The following KCNJ16 variants were observed in gnomAD, a reference collection of about 807,000 sequenced individuals.
KCNJ16 encodes potassium inwardly rectifying channel subfamily J member 16.
A neutral mutation model predicts 18.5 loss-of-function variants in KCNJ16; 15 were observed. The observed-to-expected ratio is 0.81, with a 90% CI of 0.54 to 1.25. KCNJ16 has a LOEUF of 1.25. Among genes scored for constraint, KCNJ16 ranks in the 50% most tolerant of loss-of-function variants. KCNJ16 has a pLI of 0.00. For synonymous variants in KCNJ16, 174 were observed against 186.5 expected (o/e 0.93, Z 0.55); for missense variants, 523 against 525.7 (o/e 0.99, Z 0.05).
At chr17:70,125,462 C>T (rs1264227882) in intron 2 of KCNJ16, among the ~76,000 whole-genome samples, 1 of 151,966 alleles carries the variant, frequency 6.6e-6, no homozygotes, top group Non-Finnish European at 1.5e-5. Flanking sequence ...AGTGGAGCAC[C>T]CTTTGAGAGA....
chr17:70,116,795 TA>T (rs1288022614), intron 2 of KCNJ16, among the ~76,000 whole-genome samples: 1 of 152,152 alleles, frequency 6.6e-6, no homozygotes, highest in Non-Finnish European at 1.5e-5. Flanking sequence ...TTAATAACTT[TA>T]AAAACAACAG....
At chr17:70,089,765 A>C (rs544172643) in intron 1 of KCNJ16, among the ~76,000 whole-genome samples, 18 of 152,374 alleles carry the variant, frequency 1.2e-4, no homozygotes, top group African/African-American at 4.3e-4. Flanking sequence ...GTACATAAAA[A>C]GATTAAAAGT....
intron 1 of KCNJ16, among the ~76,000 whole-genome samples, chr17:70,076,180 T>C (rs1358096331): frequency 6.6e-6 from 1 of 152,162 alleles, no homozygotes; most frequent in African/African-American, 2.4e-5. Flanking sequence ...ATGGACTGAA[T>C]GGTCTTTAGA....
rs779295747 is a variant in KCNJ16, at chr17:70,132,527, T to G, written c.440T>G (p.Val147Gly). ...GTTACTGAAGAATGTTCTGTGGCCG[T>G]GCTCATGGTGATCCTCCAGTCCATC... ...RCVTEECSVA[V>G]LMVILQSILS... The change falls in exon 4 of 4, where the codon GTG becomes GGG. Residue 147 changes from valine to glycine, a missense_variant. Val to Gly is a moderately radical substitution (Grantham distance 109). Coordinates refer to ENST00000392671, the MANE Select transcript of KCNJ16 (RefSeq NM_170741.4). 1 of 1,614,230 alleles carries G rather than the reference T, an allele frequency of 6.2e-7. No individual in the cohort carries two copies. The highest frequency in any genetic ancestry group is 1.1e-5 in the South Asian group (1 of 91,088).
intron 2 of KCNJ16, among the ~76,000 whole-genome samples, chr17:70,129,244 T>TTATG (rs1555597894): frequency 4.6e-5 from 7 of 152,124 alleles, no homozygotes; most frequent in Admixed American, 3.3e-4. Flanking sequence ...GACAAGAAAA[T>TTATG]TACGAAAGCA....
At chr17:70,076,457 AAGAG>A (rs1472743807) in intron 1 of KCNJ16, among the ~76,000 whole-genome samples, 1 of 152,040 alleles carries the variant, frequency 6.6e-6, no homozygotes, top group Non-Finnish European at 1.5e-5. Context: ...TTCAAATCAA[AAGAG>A]AGAGAAAGAG....
chr17:70,103,315 TATATATACA>T (rs1567789439), intron 2 of KCNJ16, among the ~76,000 whole-genome samples: 14 of 20,854 alleles, frequency 6.7e-4, no homozygotes, highest in East Asian at 6.7e-3. Context: ...TATATATATA[TATATATACA>T]CACACATATA....
intron 1 of KCNJ16, among the ~76,000 whole-genome samples, chr17:70,077,570 T>C (rs1369537826): frequency 6.6e-6 from 1 of 152,190 alleles, no homozygotes; most frequent in Non-Finnish European, 1.5e-5. Context: ...AACCAGATGT[T>C]GTCAAGAGAC....
chr17:70,132,635 G>T lies in KCNJ16; in HGVS notation c.548G>T (p.Arg183Leu), dbSNP rs772746245. ...GCTCGAAAGAGAGCCCAAACCATTC[G>T]TTTCAGCTACTTTGCACTTATAGGT... The part of the protein sequence containing the change: ...ATARKRAQTI[R>L]FSYFALIGMR... Residue 183 changes from arginine (R) to leucine (L), a missense_variant, in exon 4 of 4, where the codon CGT becomes CTT. Coordinates refer to ENST00000392671, the MANE Select transcript of KCNJ16 (RefSeq NM_170741.4). 3.1e-6 allele frequency: 5 copies of T among 1,614,046 alleles called. No individual in the cohort carries two copies. The African/African-American group carries it at 6.7e-5, about 22-fold the overall frequency.
At chr17:70,091,773 C>T (rs369275329) in intron 1 of KCNJ16, among the ~76,000 whole-genome samples, 5 of 152,202 alleles carry the variant, frequency 3.3e-5, no homozygotes, top group African/African-American at 1.2e-4. Flanking sequence ...TGAATACATA[C>T]CCTTGAATCA....
chr17:70,088,839 T>C (rs1040252285), intron 1 of KCNJ16, among the ~76,000 whole-genome samples: 4 of 152,280 alleles, frequency 2.6e-5, no homozygotes, highest in Middle Eastern at 3.4e-3. Flanking sequence ...TTTTGCCTAG[T>C]GGCCGATTTT....
At chr17:70,121,369 A>C (rs2144140197) in intron 2 of KCNJ16, among the ~76,000 whole-genome samples, 1 of 152,280 alleles carries the variant, frequency 6.6e-6, no homozygotes, top group Non-Finnish European at 1.5e-5. Flanking sequence ...TATTCCAATA[A>C]AACTTCATTT....
chr17:70,103,953 T>TTTTTTTTAG, intron 2 of KCNJ16, among the ~76,000 whole-genome samples: 1 of 150,218 alleles, frequency 6.7e-6, no homozygotes, highest in Non-Finnish European at 1.5e-5. Context: ...TTTTTTTTTT[T>TTTTTTTTAG]GAGACAGGAT....
chr17:70,131,431 CA>C, intron 3 of KCNJ16: 1 of 1,001,334 alleles, frequency 1.0e-6, no homozygotes, highest in South Asian at 4.4e-5. Flanking sequence ...GGGAAGTATA[CA>C]AGGAAGAAAA....
At chr17:70,098,851 T>G (rs1362586804) in intron 1 of KCNJ16, among the ~76,000 whole-genome samples, 1 of 152,156 alleles carries the variant, frequency 6.6e-6, no homozygotes, top group East Asian at 1.9e-4. Context: ...CCTCAATAAT[T>G]ATGAATTAAA....
chr17:70,110,295 G>T (rs2073130348), intron 2 of KCNJ16, among the ~76,000 whole-genome samples: 1 of 151,948 alleles, frequency 6.6e-6, no homozygotes, highest in South Asian at 2.1e-4. Context: ...ATATTAAAAG[G>T]CAAATGTTCT....
intron 2 of KCNJ16, chr17:70,102,188 CTTCT>C (rs2072661007): frequency 8.6e-6 from 1 of 116,078 alleles, no homozygotes; most frequent in African/African-American, 3.2e-5. Context: ...AGGACACCTT[CTTCT>C]TTCTTCTTGT....
rs779813687 is a variant in KCNJ16, at chr17:70,130,906, C to A, written c.-163C>A. 1.1e-5 allele frequency: 16 copies of A among 1,454,980 alleles called. No individual in the cohort carries two copies. The highest frequency in any genetic ancestry group is 1.5e-5 in the Non-Finnish European group (16 of 1,073,294). 90.1% of individuals were successfully genotyped at this position (1,454,980 alleles called of 1,614,324 possible). A position where few individuals can be genotyped will look rare whatever the true frequency, so the allele number is the denominator to read the frequency against. On this transcript the variant is annotated 5_prime_UTR_variant, in exon 3 of 4. Coordinates refer to ENST00000392671, the MANE Select transcript of KCNJ16 (RefSeq NM_170741.4). ...GTAACTCAAGATGATTTTGATGTTG[C>A]AGTTTTAAATTTCACTTTGACTTGA...
rs142796122 is a variant in KCNJ16 at position 70,133,152 on chromosome 17, A to T, written c.1065A>T (p.Lys355Asn). ...AAGACCAGCAGCTCCACATAGAAAA[A>T]GCACCACCAGTTCGAGAATCCTGCA... is the stretch of plus-strand genomic sequence containing the variant. Reference protein sequence around the residue: ...DWKDQQLHIEKAPPVRESCTS... With the variant: ...DWKDQQLHIENAPPVRESCTS... Residue 355 changes from lysine (K) to asparagine (N), a missense_variant, in exon 4 of 4, where the codon AAA (lysine) becomes AAT (asparagine). Transcript: ENST00000392671. The T allele has an allele frequency of 1.2e-6, 2 of 1,614,092 alleles. No homozygotes were observed. The highest frequency in any genetic ancestry group is 2.7e-5 in the African/African-American group (2 of 74,918).
Sources: allele counts gnomAD v4.1 joint callset (sites outside exome capture counted in the v4.1 genomes callset), GRCh38; gene constraint gnomAD v4.1.1; transcripts MANE v1.5; gene names NCBI Gene and HGNC (gene_info 2026-07-23, HGNC 2026-07-21).